The following ZNF507 variants were observed in gnomAD, a reference collection of about 807,000 sequenced individuals.
ZNF507 encodes zinc finger protein 507.
In ZNF507, 29 loss-of-function variants were observed where a neutral mutation model predicts 80.0. The observed-to-expected ratio is 0.36, with a 90% CI of 0.27 to 0.49. ZNF507 has a LOEUF of 0.49. Ranked by LOEUF, ZNF507 falls within the 20% of genes least tolerant of loss-of-function variation. ZNF507 has a pLI of 0.98. For missense variants in ZNF507, 1,081 were observed against 1,152.2 expected, an observed-to-expected ratio of 0.94 and a Z score of 0.90; for synonymous variants, 462 against 422.5, an observed-to-expected ratio of 1.09 and a Z score of -1.15.
intron 5 of ZNF507, among the ~76,000 whole-genome samples, chr19:32,379,079 A>G (rs1400681830): frequency 6.6e-6 from 1 of 152,304 alleles, no homozygotes; most frequent in South Asian, 2.1e-4. Flanking sequence ...TTCTCAAGCA[A>G]CTGATCCAGA....
chr19:32,354,528 A>C lies in ZNF507; in HGVS notation c.1698A>C (p.Ala566=). The C allele has an allele frequency of 6.2e-7, 1 of 1,614,114 alleles. No individual in the cohort carries two copies. The highest frequency in any genetic ancestry group is 8.5e-7 in the Non-Finnish European group (1 of 1,180,026). The change falls in exon 3 of 7, where the codon GCA becomes GCC. Residue 566 remains alanine (A), a synonymous_variant. Coordinates refer to ENST00000355898, the MANE Select transcript of ZNF507 (RefSeq NM_001136156.2). Reference sequence around the variant, plus strand: ...ACCAAAGCAACTCCACCTTGGTAGCACTCCCAGAGGGTAGGCAGGAATTGT... The same window carrying C: ...ACCAAAGCAACTCCACCTTGGTAGCCCTCCCAGAGGGTAGGCAGGAATTGT... ...SLNQSNSTLV[A]LPEGRQELSD...
At chr19:32,362,352 A>C (rs192810205) in intron 5 of ZNF507, among the ~76,000 whole-genome samples, 1 of 152,216 alleles carries the variant, frequency 6.6e-6, no homozygotes, top group African/African-American at 2.4e-5. Context: ...TGCCAGATTC[A>C]TGTGATTTAA....
chr19:32,356,507 G>A (rs1026919713), intron 3 of ZNF507, 109 bp from the exon 4 acceptor site: 3 of 679,524 alleles, frequency 4.4e-6, no homozygotes, highest in Non-Finnish European at 5.1e-6. Flanking sequence ...TTAAAATATG[G>A]TAATTCGTTG....
In ZNF507 at chr19:32,353,722, G is replaced by T; in HGVS notation, c.892G>T (p.Ala298Ser). The T allele has an allele frequency of 6.2e-7, 1 of 1,614,228 alleles. No homozygotes were observed. The change falls in exon 3 of 7, where the codon GCG becomes TCG. Residue 298 changes from alanine to serine, a missense_variant. By Grantham distance (99) the Ala-to-Ser change is moderately conservative (BLOSUM62 1). Transcript: ENST00000355898. The stretch of plus-strand genomic sequence containing the variant: ...CCTGCTGGATTCTTCAGCAGCTGCT[G>T]CGCCTGGTGGGGTCGATGCAGTCGT... ...LGLLDSSAAA[A>S]PGGVDAVVIA...
chr19:32,367,885 A>T (rs4804992), intron 5 of ZNF507, among the ~76,000 whole-genome samples: 29,365 of 152,152 alleles, frequency 0.19, 2,976 homozygotes, highest in South Asian at 0.28. Flanking sequence ...ATAATAGCTG[A>T]TATTTTTGAG....
chr19:32,380,698 TTCCTAAAAAGATGACAG>T (rs1967612053), intron 5 of ZNF507: 1 of 1,370,594 alleles, frequency 7.3e-7, no homozygotes, highest in Non-Finnish European at 1.0e-6. Context: ...CATTTGCAGT[TTCCTAAAAAGATGACAG>T]TTTTACAATA....
At chr19:32,373,347 C>T (rs1026934385) in intron 5 of ZNF507, among the ~76,000 whole-genome samples, 5 of 152,024 alleles carry the variant, frequency 3.3e-5, no homozygotes, top group Admixed American at 3.3e-4. Context: ...ATAGGAATTT[C>T]GGTGGGGGGT....
In ZNF507 at chr19:32,386,241, A is replaced by G. The variant is rs1967687918; in HGVS notation, c.*3158A>G. On this transcript the variant is annotated 3_prime_UTR_variant, in exon 7 of 7. Transcript: ENST00000355898. ...GAAGGTGGCTGCTGGTGGCTTCATA[A>G]TTTTCTGTTTTTTTTCTCACAAAGT... The G allele has an allele frequency of 6.6e-6, 1 of 152,368 alleles. No individual in the cohort carries two copies. Among genetic ancestry groups the G allele is most frequent in the Non-Finnish European group, 1.5e-5 (1 of 67,998 alleles). The allele number at this position is 152,368 out of a possible 1,614,324, so 9.4% of individuals were successfully genotyped here.
Position 32,383,049 on chromosome 19 carries a change from A to G in ZNF507, c.2828A>G (p.Asn943Ser). 3 of 1,614,096 alleles carry G rather than the reference A, an allele frequency of 1.9e-6. No homozygotes were observed. The South Asian group carries it at 3.3e-5, about 18-fold the overall frequency. The part of the protein sequence containing the change: ...HEGEIVNIIL[N>S]KDHNTALNTN The stretch of plus-strand genomic sequence containing the variant: ...GGTGAAATTGTAAACATCATCCTGA[A>G]TAAGGACCACAATACAGCTCTAAAC... Residue 943 changes from asparagine to serine, a missense_variant, in exon 7 of 7, where the codon AAT becomes AGT. Asn to Ser is a conservative substitution (Grantham distance 46). Transcript: ENST00000355898.
intron 4 of ZNF507, among the ~76,000 whole-genome samples, chr19:32,360,266 G>C (rs1415414210): frequency 6.6e-6 from 1 of 152,188 alleles, no homozygotes; most frequent in Non-Finnish European, 1.5e-5. Flanking sequence ...TGGTTATGCA[G>C]GAATCATCCC....
chr19:32,350,816 A>G (rs1191229898), intron 2 of ZNF507, among the ~76,000 whole-genome samples: 3 of 152,214 alleles, frequency 2.0e-5, no homozygotes, highest in East Asian at 1.9e-4. Flanking sequence ...TATTTAATCA[A>G]TTTGCATTTA....
chr19:32,356,238 A>T (rs1967250110), intron 3 of ZNF507, among the ~76,000 whole-genome samples: 1 of 152,204 alleles, frequency 6.6e-6, no homozygotes, highest in Non-Finnish European at 1.5e-5. Context: ...ATTTCAATGA[A>T]AAATTAGGAG....
intron 5 of ZNF507, among the ~76,000 whole-genome samples, chr19:32,365,640 A>G (rs1967388797): frequency 6.6e-6 from 1 of 152,124 alleles, no homozygotes; most frequent in Non-Finnish European, 1.5e-5. Flanking sequence ...ACCTGCCCTG[A>G]TTTACATCTC....
At position 32,354,305 on chromosome 19, in the gene ZNF507, T is replaced by C; in HGVS notation, c.1475T>C (p.Leu492Ser). 6.2e-7 allele frequency: 1 copy of C among 1,614,170 alleles called. No homozygotes were observed. Among genetic ancestry groups the C allele is most frequent in the Non-Finnish European group, 8.5e-7 (1 of 1,180,040 alleles). ...AGGACAAATTCTGAGTCTCTTCGAT[T>C]ACACTCATTAGCTGCAGAAGCCCTT... ...RRRTNSESLR[L>S]HSLAAEALVT... Residue 492 changes from leucine (L) to serine (S), a missense_variant, in exon 3 of 7, where the codon TTA (leucine) becomes TCA (serine). By Grantham distance (145) the Leu-to-Ser change is moderately radical. Transcript: ENST00000355898.
At chr19:32,375,910 C>A (rs971434705) in intron 5 of ZNF507, among the ~76,000 whole-genome samples, 1 of 152,140 alleles carries the variant, frequency 6.6e-6, no homozygotes, top group Non-Finnish European at 1.5e-5. Context: ...GAATAAGCCT[C>A]CCCTAAAAGA....
In ZNF507 at chr19:32,351,853, G is replaced by A. The variant is rs544435473; in HGVS notation, c.-2-976G>A. Among the ~76,000 whole-genome samples the A allele has an allele frequency of 2.6e-5, 4 of 152,234 alleles. No homozygotes were observed. The South Asian group carries it at 8.3e-4, about 32-fold the overall frequency. ...CAAATTAATCTCACTTTAAGCCAAAGGAAATGTTTGAAATGAAAGTACTGC... is the reference window on the plus strand; with the variant it reads ...CAAATTAATCTCACTTTAAGCCAAAAGAAATGTTTGAAATGAAAGTACTGC... On this transcript the variant is annotated intron_variant, in intron 2 of 6. Coordinates refer to ENST00000355898, the MANE Select transcript of ZNF507 (RefSeq NM_001136156.2).
At chr19:32,358,199 T>G (rs916604986) in intron 4 of ZNF507, 2 of 152,234 alleles carry the variant, frequency 1.3e-5, no homozygotes, top group African/African-American at 4.8e-5. Flanking sequence ...GGCTGCATAC[T>G]TATACCTGGA....
intron 3 of ZNF507, 26 bp downstream of exon 3, chr19:32,354,983 C>T (rs1316403181): frequency 5.8e-6 from 9 of 1,556,572 alleles, no homozygotes; most frequent in Middle Eastern, 1.7e-4. Context: ...GGAAGTCTTT[C>T]AGAGGACCTT....
In ZNF507 at chr19:32,356,644, A is replaced by G. The variant is rs1389966175; in HGVS notation, c.2156A>G (p.Gln719Arg). ...KSQLRNHERE[Q>R]HSLPDTLSIA... is the part of the protein sequence containing the mutation. ...CAATTGAGGAACCATGAGAGAGAAC[A>G]GCACAGTCTTCCAGATACCTTGTCA... Residue 719 changes from glutamine (Q) to arginine (R), a missense_variant, in exon 4 of 7, where the codon CAG becomes CGG. Around this residue, in one of 6 missense-constraint regions of ZNF507, gnomAD observed 614 missense variants for 583.9 expected, o/e 1.05. Coordinates refer to ENST00000355898, the MANE Select transcript of ZNF507 (RefSeq NM_001136156.2). 1 of 1,614,164 alleles carries G rather than the reference A, an allele frequency of 6.2e-7. No homozygotes were observed. The highest frequency in any genetic ancestry group is 8.5e-7 in the Non-Finnish European group (1 of 1,180,000).
Sources: allele counts gnomAD v4.1 joint callset (sites outside exome capture counted in the v4.1 genomes callset), GRCh38; gene constraint gnomAD v4.1.1; regional missense constraint gnomAD v4.1.1; transcripts MANE v1.5; gene names NCBI Gene and HGNC (gene_info 2026-07-23, HGNC 2026-07-21).